Variants in FER1L6 observed in about 807,000 individuals in gnomAD.
FER1L6 encodes fer-1 like family member 6, also known as fer-1-like protein 6.
A neutral mutation model predicts 219.2 loss-of-function variants in FER1L6; 177 were observed. That is an observed-to-expected ratio of 0.81 (90% CI 0.71 to 0.91). FER1L6 has a LOEUF of 0.91. Ranked by LOEUF, FER1L6 falls within the 40% of genes least tolerant of loss-of-function variation. The pLI is 0.00. For synonymous variants in FER1L6, 768 were observed against 824.3 expected (o/e 0.93, Z 1.17); for missense variants, 2,153 against 2,259.9 (o/e 0.95, Z 0.96).
In FER1L6 at chr8:124,119,585, T is replaced by C. The variant is rs771693886; in HGVS notation, c.5391-22T>C. Reference sequence around the variant, plus strand: ...TGTTGACAGGATGCCCCCTTTTTGATTTTCTCTTCCTTCCCCCTCAGCCGC... The same window carrying C: ...TGTTGACAGGATGCCCCCTTTTTGACTTTCTCTTCCTTCCCCCTCAGCCGC... On this transcript the variant is annotated intron_variant, in intron 40 of 40. Transcript: ENST00000522917. 11 of 1,565,118 alleles carry C rather than the reference T, an allele frequency of 7.0e-6. No individual in the cohort carries two copies. In the South Asian group the frequency reaches 1.2e-4, roughly 18 times the overall value.
chr8:124,091,097 A>G (rs1023020730), intron 33 of FER1L6, among the ~76,000 whole-genome samples: 1 of 152,214 alleles, frequency 6.6e-6, no homozygotes, highest in Non-Finnish European at 1.5e-5. Context: ...GGTGATGGTT[A>G]TACCTCATTG....
chr8:124,073,346 C>G (rs1004431276), intron 31 of FER1L6, among the ~76,000 whole-genome samples: 2 of 152,188 alleles, frequency 1.3e-5, no homozygotes, highest in African/African-American at 4.8e-5. Flanking sequence ...ACAGGAGGGA[C>G]TTGAACAAAC....
rs1370673836 is a variant in FER1L6 at position 123,970,082 on chromosome 8, G to A, written c.432G>A (p.Lys144=). ...FIGPQVHLFD[K]IIKISVFHHK... Reference sequence around the variant, plus strand: ...GGCCCCAAGTGCATCTTTTTGACAAGATCATCAAAATCTCCGTAAGTATAG... The same window carrying A: ...GGCCCCAAGTGCATCTTTTTGACAAAATCATCAAAATCTCCGTAAGTATAG... Residue 144 remains lysine, a synonymous_variant, in exon 6 of 41, where the codon AAG becomes AAA. Transcript: ENST00000522917. 7 of 1,613,808 alleles carry A rather than the reference G, an allele frequency of 4.3e-6. No homozygotes were observed. The highest frequency in any genetic ancestry group is 5.9e-6 in the Non-Finnish European group (7 of 1,179,912).
At chr8:123,975,758 C>T in intron 8 of FER1L6, 140 bp from the exon 9 acceptor site, 2 of 688,326 alleles carry the variant, frequency 2.9e-6, no homozygotes, top group Admixed American at 3.0e-5. Context: ...ATAAAGAAAA[C>T]TCATTTCAGC....
chr8:123,915,717 A>G (rs924356365), intron 1 of FER1L6, among the ~76,000 whole-genome samples: 2 of 152,196 alleles, frequency 1.3e-5, no homozygotes, highest in Non-Finnish European at 2.9e-5. Flanking sequence ...TAAGTTCAGG[A>G]TACTGTTAGA....
rs76710550 is a variant in FER1L6 at position 123,854,306 on chromosome 8, T to C, written c.-8+2121T>C. Among the ~76,000 whole-genome samples, 879 of 152,266 alleles carry C rather than the reference T, an allele frequency of 5.8e-3. 27 individuals are homozygous for C. Among genetic ancestry groups the C allele is most frequent in the Admixed American group, 0.036 (553 of 15,296 alleles). On this transcript the variant is annotated intron_variant, in intron 1 of 40. Coordinates refer to ENST00000522917, the MANE Select transcript of FER1L6 (RefSeq NM_001039112.2). ...TTTCCCCAGTAGGGTGTTGATACCCTCTAGATCATTCCAAGCTCTGGGGAA... is the reference window on the plus strand; with the variant it reads ...TTTCCCCAGTAGGGTGTTGATACCCCCTAGATCATTCCAAGCTCTGGGGAA...
intron 1 of FER1L6, among the ~76,000 whole-genome samples, chr8:123,906,888 T>C (rs1253218570): frequency 1.3e-5 from 2 of 152,034 alleles, no homozygotes; most frequent in Non-Finnish European, 2.9e-5. Context: ...TGAGATGATG[T>C]CCAATTTCAC....
chr8:124,107,482 T>C (rs1157193672), intron 39 of FER1L6, among the ~76,000 whole-genome samples: 2 of 152,186 alleles, frequency 1.3e-5, no homozygotes, highest in African/African-American at 4.8e-5. Context: ...ATTTGGGCTG[T>C]GGCAGTCTGT....
At chr8:124,052,812 CAAA>C (rs531960842) in intron 22 of FER1L6, among the ~76,000 whole-genome samples, 2 of 151,620 alleles carry the variant, frequency 1.3e-5, no homozygotes, top group Non-Finnish European at 1.5e-5. Flanking sequence ...AACAAACAAA[CAAA>C]AAAAACAGCA....
At chr8:123,972,846 C>T (rs1400861403) in intron 6 of FER1L6, among the ~76,000 whole-genome samples, 6 of 152,168 alleles carry the variant, frequency 3.9e-5, no homozygotes, top group Admixed American at 3.9e-4. Flanking sequence ...CAACCTGGCA[C>T]CAGCTCTGCA....
At chr8:123,880,177 C>A (rs1315187317) in intron 1 of FER1L6, among the ~76,000 whole-genome samples, 3 of 152,110 alleles carry the variant, frequency 2.0e-5, no homozygotes, top group Admixed American at 6.6e-5. Context: ...CAGTTCCCAA[C>A]TTCCCTCCAC....
At chr8:123,854,180 A>T (rs1038590354) in intron 1 of FER1L6, among the ~76,000 whole-genome samples, 1 of 152,190 alleles carries the variant, frequency 6.6e-6, no homozygotes, top group African/African-American at 2.4e-5. Context: ...TTTGTAAATG[A>T]TCTAGGCTTT....
intron 18 of FER1L6, among the ~76,000 whole-genome samples, chr8:124,026,697 T>C (rs539569122): frequency 8.5e-6 from 1 of 117,516 alleles, no homozygotes; most frequent in East Asian, 2.3e-4. Context: ...CTCAAGAGTT[T>C]ACTATAGATG....
At chr8:123,928,529 G>A (rs1033732324) in intron 1 of FER1L6, among the ~76,000 whole-genome samples, 2 of 152,206 alleles carry the variant, frequency 1.3e-5, no homozygotes, top group South Asian at 2.1e-4. Flanking sequence ...TCCCAGTGGG[G>A]TGGATGAGTA....
chr8:124,018,416 T>TAA (rs1257630327), intron 16 of FER1L6, among the ~76,000 whole-genome samples: 2 of 152,212 alleles, frequency 1.3e-5, no homozygotes, highest in Admixed American at 6.5e-5. Flanking sequence ...TAGTTAACTG[T>TAA]AATCCAAAAA....
Position 123,852,698 on chromosome 8 carries a change from C to T in FER1L6, c.-8+513C>T, listed in dbSNP as rs888478852. ...AAAGTTGCAAAGATAATTGAGTTCTCTTAAATTTCTCACTCAGTTTTCCCT... is the reference window on the plus strand; with the variant it reads ...AAAGTTGCAAAGATAATTGAGTTCTTTTAAATTTCTCACTCAGTTTTCCCT... On this transcript the variant is annotated intron_variant, in intron 1 of 40. Coordinates refer to ENST00000522917, the MANE Select transcript of FER1L6 (RefSeq NM_001039112.2). The surrounding 1 kb of genome is among the most constrained non-coding windows in gnomAD (Gnocchi z 4.9). 4.6e-5 allele frequency among the ~76,000 whole-genome samples: 7 copies of T among 152,082 alleles called. No homozygotes were observed. Among genetic ancestry groups the T allele is most frequent in the African/African-American group, 1.7e-4 (7 of 41,416 alleles).
chr8:123,911,909 G>A (rs1586457582), intron 1 of FER1L6, among the ~76,000 whole-genome samples: 2 of 152,136 alleles, frequency 1.3e-5, no homozygotes, highest in African/African-American at 4.8e-5. Flanking sequence ...CTTCCTGGGG[G>A]GAACAGCTGG....
chr8:123,892,288 GAC>G (rs1222396106), intron 1 of FER1L6, among the ~76,000 whole-genome samples: 5 of 152,002 alleles, frequency 3.3e-5, no homozygotes, highest in African/African-American at 1.2e-4. Context: ...ATGGAGGAAA[GAC>G]AGATTTTTTT....
At chr8:123,948,915 G>A (rs1814625584) in intron 1 of FER1L6, among the ~76,000 whole-genome samples, 1 of 152,016 alleles carries the variant, frequency 6.6e-6, no homozygotes, top group Admixed American at 6.6e-5. Context: ...CCTCTGATTT[G>A]CAAAGATGGC....
Sources: gnomAD v4.1 joint callset for allele counts (sites outside exome capture counted in the v4.1 genomes callset) on GRCh38, gnomAD v4.1.1 for gene constraint, Gnocchi (gnomAD v3.1) non-coding constraint, MANE v1.5 for transcripts, NCBI Gene and HGNC (gene_info 2026-07-23, HGNC 2026-07-21) for gene names.